Variants in ZNF283 observed in about 807,000 individuals in gnomAD.
ZNF283 encodes the protein zinc finger protein 283, also known as zinc finger protein 41.
Under a neutral mutation model 9.2 loss-of-function variants are expected in ZNF283, and 10 were observed. The ratio of observed to expected loss-of-function variants is 1.09; its 90% CI spans 0.67 to 1.85. The LOEUF is 1.85. Ranked by LOEUF, ZNF283 falls within the 40% of genes most tolerant of loss-of-function variation. ZNF283 has a pLI of 0.00. For missense variants in ZNF283, 631 were observed against 760.1 expected (o/e 0.83, Z 2.00); for synonymous variants, 234 against 244.1 (o/e 0.96, Z 0.38).
chr19:43,845,021 T>C (rs1971352073), intron 6 of ZNF283, among the ~76,000 whole-genome samples: 2 of 152,168 alleles, frequency 1.3e-5, no homozygotes, highest in Admixed American at 1.3e-4. Flanking sequence ...ACACAATCTT[T>C]CTTAAAATTA....
chr19:43,830,141 C>T (rs1432838208), intron 2 of ZNF283, among the ~76,000 whole-genome samples: 1 of 152,224 alleles, frequency 6.6e-6, no homozygotes, highest in East Asian at 1.9e-4. Flanking sequence ...GTGGCATGAT[C>T]ATGGCTCACT....
intron 6 of ZNF283, 58 bp from the exon 7 acceptor site, chr19:43,846,881 T>A: frequency 8.9e-7 from 1 of 1,122,634 alleles, no homozygotes. Context: ...ACTGTAGTTT[T>A]TTTTTTTTTT....
rs1243837633 is a variant in ZNF283, at chr19:43,849,318, A to C, written c.*677A>C. The C allele has an allele frequency of 6.6e-6, 1 of 152,196 alleles. No individual in the cohort carries two copies. The highest frequency in any genetic ancestry group is 1.5e-5 in the Non-Finnish European group (1 of 68,006). 9.4% of individuals were successfully genotyped at this position (152,196 alleles called of 1,614,324 possible). ...TAACATTCTGTTTTACAAAATTATCAGTCCATAAATGATTGAGAATTGAAA... is the reference window on the plus strand; with the variant it reads ...TAACATTCTGTTTTACAAAATTATCCGTCCATAAATGATTGAGAATTGAAA... On this transcript the variant is annotated 3_prime_UTR_variant, in exon 7 of 7. Coordinates refer to ENST00000618787, the MANE Select transcript of ZNF283 (RefSeq NM_181845.2).
chr19:43,830,923 AAAAAATT>A (rs887091420), intron 2 of ZNF283, among the ~76,000 whole-genome samples: 14 of 146,890 alleles, frequency 9.5e-5, no homozygotes, highest in African/African-American at 2.0e-4. Flanking sequence ...AAAAAAAAAA[AAAAAATT>A]AGTGTCCAAT....
In ZNF283 at chr19:43,848,110, T is replaced by C. The variant is rs770432759; in HGVS notation, c.1509T>C (p.Thr503=). Residue 503 remains threonine, a synonymous_variant, in exon 7 of 7, where the codon ACT becomes ACC. Coordinates refer to ENST00000618787, the MANE Select transcript of ZNF283 (RefSeq NM_181845.2). ...CCTTTTGTAGTGGGTATCAACTTAC[T>C]CGACATCAGGTATTTCACACTGGTG... ...GKTFCSGYQL[T]RHQVFHTGEK... 3 of 1,613,680 alleles carry C rather than the reference T, an allele frequency of 1.9e-6. No homozygotes were observed. Among genetic ancestry groups the C allele is most frequent in the Non-Finnish European group, 2.5e-6 (3 of 1,179,838 alleles).
rs1465384454 is a variant in ZNF283 at position 43,835,547 on chromosome 19, C to T, written c.165C>T (p.Ser55=). 2 of 1,611,236 alleles carry T rather than the reference C, an allele frequency of 1.2e-6. No homozygotes were observed. Among genetic ancestry groups the T allele is most frequent in the Non-Finnish European group, 8.5e-7 (1 of 1,178,746 alleles). ...SGFCASPIEE[S]HGALISSCNS... Reference sequence around the variant, plus strand: ...TCTGTGCTTCACCAATAGAGGAATCCCATGGAGCATTAATTAGTTCTTGCA... The same window carrying T: ...TCTGTGCTTCACCAATAGAGGAATCTCATGGAGCATTAATTAGTTCTTGCA... The change falls in exon 5 of 7, where the codon TCC becomes TCT. Residue 55 remains serine, a synonymous_variant. Transcript: ENST00000618787.
intron 6 of ZNF283, among the ~76,000 whole-genome samples, chr19:43,845,655 G>A (rs954155760): frequency 6.6e-6 from 1 of 152,096 alleles, no homozygotes; most frequent in Non-Finnish European, 1.5e-5. Context: ...AAATTATGCA[G>A]ATTTATTTTC....
rs754205900 is a variant in ZNF283, at chr19:43,847,151, A to G, written c.550A>G (p.Lys184Glu). 2.5e-6 allele frequency: 4 copies of G among 1,613,494 alleles called. No individual in the cohort carries two copies. The highest frequency in any genetic ancestry group is 3.4e-6 in the Non-Finnish European group (4 of 1,179,690). ...YFSQMIISYE[K>E]IPSYRKSKSL... ...CAGTCAAATGATAATCAGCTATGAA[A>G]AAATACCTTCTTACAGAAAAAGTAA... is the stretch of plus-strand genomic sequence containing the variant. Residue 184 changes from lysine to glutamate, a missense_variant, in exon 7 of 7, where the codon AAA (lysine) becomes GAA (glutamate). Around this residue, in one of 3 missense-constraint regions of ZNF283, gnomAD observed 184 missense variants for 220.0 expected, o/e 0.84. Coordinates refer to ENST00000618787, the MANE Select transcript of ZNF283 (RefSeq NM_181845.2).
At chr19:43,836,030 G>A (rs1970965271) in intron 5 of ZNF283, among the ~76,000 whole-genome samples, 1 of 152,148 alleles carries the variant, frequency 6.6e-6, no homozygotes. Flanking sequence ...TACTAAGCGA[G>A]GGGTAGTTGA....
intron 5 of ZNF283, among the ~76,000 whole-genome samples, chr19:43,835,860 A>T (rs1000325039): frequency 6.6e-6 from 1 of 151,994 alleles, no homozygotes; most frequent in African/African-American, 2.4e-5. Context: ...TCACCAAAGG[A>T]CTCCACCACC....
intron 3 of ZNF283, 138 bp downstream of exon 3, chr19:43,831,519 T>A (rs1386868049): frequency 1.3e-6 from 1 of 748,262 alleles, no homozygotes; most frequent in Non-Finnish European, 2.1e-6. Flanking sequence ...AATTATGGAA[T>A]TAATGCAGGC....
chr19:43,844,257 T>G lies in ZNF283; in HGVS notation c.338-2682T>G, dbSNP rs140311191. Reference sequence around the variant, plus strand: ...CTACATAAACTAAAAGTCTTTTGGGTCCTCAATGATTTTTCTTGACATTTA... The same window carrying G: ...CTACATAAACTAAAAGTCTTTTGGGGCCTCAATGATTTTTCTTGACATTTA... On this transcript the variant is annotated intron_variant, in intron 6 of 6. Transcript: ENST00000618787. Among the ~76,000 whole-genome samples, 17 of 144,648 alleles carry G rather than the reference T, an allele frequency of 1.2e-4. No individual in the cohort carries two copies. The East Asian group carries it at 3.3e-3, about 28-fold the overall frequency. The allele number at this position is 144,648 out of a possible 152,430, so 94.9% of individuals were successfully genotyped here. A position where few individuals can be genotyped will look rare whatever the true frequency, so the allele number is the denominator to read the frequency against.
In ZNF283 at chr19:43,848,350, T is replaced by C. The variant is rs1412112357; in HGVS notation, c.1749T>C (p.Gly583=). The C allele has an allele frequency of 6.2e-7, 1 of 1,613,532 alleles. No homozygotes were observed. The highest frequency in any genetic ancestry group is 1.7e-5 in the Admixed American group (1 of 59,964). Reference sequence around the variant, plus strand: ...AATGTGGGAAGGCCTTCAGTTGGGGTTCAAGCCTAGTTAAGCATGAGAGAG... The same window carrying C: ...AATGTGGGAAGGCCTTCAGTTGGGGCTCAAGCCTAGTTAAGCATGAGAGAG... ...CKECGKAFSW[G]SSLVKHERVH... is the part of the protein sequence containing the mutation. Residue 583 remains glycine, a synonymous_variant, in exon 7 of 7, where the codon GGT becomes GGC. Transcript: ENST00000618787.
chr19:43,835,376 G>C (rs1448517223), intron 4 of ZNF283, 129 bp from the exon 5 acceptor site: 1 of 634,866 alleles, frequency 1.6e-6, no homozygotes, highest in East Asian at 2.8e-5. Flanking sequence ...GTGAAAGTTT[G>C]AATTCCATAA....
Position 43,851,069 on chromosome 19 carries a change from T to G in ZNF283, c.*2428T>G, listed in dbSNP as rs936645541. The G allele has an allele frequency of 6.6e-6, 1 of 152,226 alleles. No homozygotes were observed. The highest frequency in any genetic ancestry group is 6.5e-5 in the Admixed American group (1 of 15,286). The allele number at this position is 152,226 out of a possible 1,614,324, so 9.4% of individuals were successfully genotyped here. Reference sequence around the variant, plus strand: ...ACCATCTAGTGATCATCATTCTACATGATTGCACTTTTTCAAAGGCATAAA... The same window carrying G: ...ACCATCTAGTGATCATCATTCTACAGGATTGCACTTTTTCAAAGGCATAAA... On this transcript the variant is annotated 3_prime_UTR_variant, in exon 7 of 7. Transcript: ENST00000618787.
chr19:43,835,242 G>A (rs1970917994), intron 4 of ZNF283, among the ~76,000 whole-genome samples: 1 of 152,154 alleles, frequency 6.6e-6, no homozygotes, highest in Non-Finnish European at 1.5e-5. Context: ...CTGAGAGGTA[G>A]GAATGGAAGG....
At chr19:43,832,294 C>CA (rs1471532414) in intron 3 of ZNF283, among the ~76,000 whole-genome samples, 2 of 152,136 alleles carry the variant, frequency 1.3e-5, no homozygotes, top group Non-Finnish European at 2.9e-5. Flanking sequence ...AGCCATCTTA[C>CA]AAAAAATACA....
chr19:43,833,029 G>GAAAAA (rs368640688), intron 3 of ZNF283, among the ~76,000 whole-genome samples: 1 of 76,474 alleles, frequency 1.3e-5, no homozygotes, highest in Non-Finnish European at 2.5e-5. Flanking sequence ...CCCTGTCTCT[G>GAAAAA]AAAAAAAAAA....
Position 43,837,032 on chromosome 19 carries a change from T to G in ZNF283, c.211-21T>G, listed in dbSNP as rs189019805. 28 of 1,613,472 alleles carry G rather than the reference T, an allele frequency of 1.7e-5. No homozygotes were observed. In the African/African-American group the frequency reaches 2.7e-4, roughly 15 times the overall value. On this transcript the variant is annotated intron_variant, in intron 5 of 6. Coordinates refer to ENST00000618787, the MANE Select transcript of ZNF283 (RefSeq NM_181845.2). Reference sequence around the variant, plus strand: ...ATGTTTTCTTTAATTTCACAAGTAATACATGGGTTTTTGGTTTTAGGGGTT... The same window carrying G: ...ATGTTTTCTTTAATTTCACAAGTAAGACATGGGTTTTTGGTTTTAGGGGTT...
Sources: allele counts gnomAD v4.1 joint callset (sites outside exome capture counted in the v4.1 genomes callset), GRCh38; gene constraint gnomAD v4.1.1; regional missense constraint gnomAD v4.1.1; transcripts MANE v1.5; gene names NCBI Gene and HGNC (gene_info 2026-07-23, HGNC 2026-07-21).